SLC5A7: variants seen among roughly 807,000 people sequenced by gnomAD.
The protein encoded by SLC5A7 is high affinity choline transporter 1.
A neutral mutation model predicts 55.4 loss-of-function variants in SLC5A7; 19 were observed. The ratio of observed to expected loss-of-function variants is 0.34; its 90% CI spans 0.24 to 0.50. The LOEUF (loss-of-function observed/expected upper bound fraction) is 0.50. Ranked by LOEUF, SLC5A7 falls within the 20% of genes least tolerant of loss-of-function variation. The pLI, the probability that SLC5A7 is intolerant of heterozygous loss-of-function variation, is 0.98. For synonymous variants in SLC5A7, 265 were observed against 263.7 expected (o/e 1.00, Z -0.05); for missense variants, 506 against 705.3 (o/e 0.72, Z 3.20).
In SLC5A7 at chr2:108,010,699, T is replaced by G; in HGVS notation, c.1581T>G (p.Asp527Glu). Residue 527 changes from aspartate to glutamate, a missense_variant, in exon 9 of 9, where the codon GAT (aspartate) becomes GAG (glutamate). Physicochemically the swap from Asp to Glu is conservative, Grantham distance 45. Coordinates refer to ENST00000264047, the MANE Select transcript of SLC5A7 (RefSeq NM_021815.5). ...VVARHSEENM[D>E]KTILVKNENI... ...CAAGACACAGTGAAGAAAACATGGATAAGACAATTCTTGTCAAAAATGAAA... is the reference window on the plus strand; with the variant it reads ...CAAGACACAGTGAAGAAAACATGGAGAAGACAATTCTTGTCAAAAATGAAA... 6.2e-7 allele frequency: 1 copy of G among 1,613,852 alleles called. No individual in the cohort carries two copies. The highest frequency in any genetic ancestry group is 1.1e-5 in the South Asian group (1 of 91,084).
intron 3 of SLC5A7, 133 bp downstream of exon 3, chr2:107,992,352 A>T (rs938278804): frequency 4.1e-6 from 2 of 485,666 alleles, no homozygotes; most frequent in Non-Finnish European, 7.4e-6. Flanking sequence ...ATCTTTAAGG[A>T]GTCATTACCA....
chr2:107,992,188 A>C lies in SLC5A7; in HGVS notation c.261A>C (p.Ala87=). Reference sequence around the variant, plus strand: ...GTTATGGCCTAGCTTGGGCTCAGGCACCAATTGGATATTCTCTTAGTCTGA... The same window carrying C: ...GTTATGGCCTAGCTTGGGCTCAGGCCCCAATTGGATATTCTCTTAGTCTGA... ...VPGYGLAWAQ[A]PIGYSLSLIL... The change falls in exon 3 of 9, where the codon GCA becomes GCC. Residue 87 remains alanine (A), a synonymous_variant. Coordinates refer to ENST00000264047, the MANE Select transcript of SLC5A7 (RefSeq NM_021815.5). The C allele has an allele frequency of 6.2e-7, 1 of 1,613,600 alleles. No individual in the cohort carries two copies. The highest frequency in any genetic ancestry group is 8.5e-7 in the Non-Finnish European group (1 of 1,179,544).
intron 2 of SLC5A7, among the ~76,000 whole-genome samples, chr2:107,990,604 G>C (rs1317772937): frequency 5.3e-5 from 8 of 152,164 alleles, no homozygotes; most frequent in Non-Finnish European, 1.2e-4. Flanking sequence ...TTAACACTGA[G>C]GGTAAAAGCT....
At chr2:108,003,650 C>T (rs1197377233) in intron 6 of SLC5A7, among the ~76,000 whole-genome samples, 2 of 152,262 alleles carry the variant, frequency 1.3e-5, no homozygotes, top group South Asian at 2.1e-4. Context: ...AACCTTCCCA[C>T]TGTACCCATG....
At chr2:107,993,344 A>C (rs913101055) in intron 4 of SLC5A7, among the ~76,000 whole-genome samples, 1 of 152,200 alleles carries the variant, frequency 6.6e-6, no homozygotes, top group African/African-American at 2.4e-5. Context: ...TCCATACTTG[A>C]ATTGCCTCAT....
intron 6 of SLC5A7, among the ~76,000 whole-genome samples, chr2:108,004,275 G>T (rs1412731198): frequency 6.6e-6 from 1 of 152,188 alleles, no homozygotes; most frequent in African/African-American, 2.4e-5. Flanking sequence ...CATGCAAGAT[G>T]TTAATGATAT....
At chr2:107,996,668 C>A (rs969264204) in intron 4 of SLC5A7, among the ~76,000 whole-genome samples, 2 of 152,150 alleles carry the variant, frequency 1.3e-5, no homozygotes, top group African/African-American at 4.8e-5. Flanking sequence ...TATGAACTGT[C>A]AGTCCAAGAA....
chr2:108,000,770 T>G (rs1207735043), intron 5 of SLC5A7, among the ~76,000 whole-genome samples: 1 of 151,966 alleles, frequency 6.6e-6, no homozygotes, highest in Non-Finnish European at 1.5e-5. Flanking sequence ...GATTTTTGTA[T>G]TTTTGGTAGA....
intron 2 of SLC5A7, among the ~76,000 whole-genome samples, chr2:107,991,387 G>A (rs1282883589): frequency 1.3e-5 from 2 of 152,106 alleles, no homozygotes; most frequent in Non-Finnish European, 2.9e-5. Flanking sequence ...GGTAGTCTAG[G>A]CCTTAAGGTA....
At chr2:107,990,059 C>T (rs1044784561) in intron 2 of SLC5A7, among the ~76,000 whole-genome samples, 1 of 152,032 alleles carries the variant, frequency 6.6e-6, no homozygotes, top group Non-Finnish European at 1.5e-5. Context: ...ACTACCTAAC[C>T]TTGTCAGATT....
intron 7 of SLC5A7, among the ~76,000 whole-genome samples, chr2:108,006,435 G>T (rs1187593233): frequency 7.0e-6 from 1 of 143,742 alleles, no homozygotes; most frequent in Admixed American, 7.2e-5. Flanking sequence ...GGTCAGGCTG[G>T]TCTCAAACTC....
chr2:108,007,376 A>T (rs1678164938), intron 7 of SLC5A7, among the ~76,000 whole-genome samples: 1 of 151,840 alleles, frequency 6.6e-6, no homozygotes, highest in African/African-American at 2.4e-5. Flanking sequence ...ACACTTCAAA[A>T]ATGTAAAGAT....
chr2:108,002,203 G>T (rs1044645509), intron 6 of SLC5A7, among the ~76,000 whole-genome samples, 163 bp downstream of exon 6: 2 of 152,112 alleles, frequency 1.3e-5, no homozygotes, highest in African/African-American at 4.8e-5. Flanking sequence ...CCGGACTATC[G>T]TGGCTGGCAG....
At chr2:107,992,352 A>G (rs938278804) in intron 3 of SLC5A7, 133 bp downstream of exon 3, 1 of 485,784 alleles carries the variant, frequency 2.1e-6, no homozygotes. Context: ...ATCTTTAAGG[A>G]GTCATTACCA....
chr2:107,998,232 A>G (rs1173958442), intron 5 of SLC5A7, among the ~76,000 whole-genome samples: 6 of 152,186 alleles, frequency 3.9e-5, no homozygotes, highest in Non-Finnish European at 8.8e-5. Context: ...TGCTTTCCTT[A>G]ATGCCTAGAT....
intron 1 of SLC5A7, 73 bp from the exon 2 acceptor site, chr2:107,988,032 C>A: frequency 2.1e-6 from 2 of 932,486 alleles, no homozygotes; most frequent in Non-Finnish European, 3.2e-6. Flanking sequence ...CATGAGCCAG[C>A]TGGTTTATTC....
intron 8 of SLC5A7, among the ~76,000 whole-genome samples, chr2:108,009,346 T>C (rs571695776): frequency 2.0e-4 from 31 of 152,282 alleles, no homozygotes; most frequent in African/African-American, 6.0e-4. Flanking sequence ...GTTTTTAATT[T>C]TACTTTAAGT....
At position 108,012,760 on chromosome 2, in the gene SLC5A7, C is replaced by T. The variant is rs1462945674; in HGVS notation, c.*1899C>T. On this transcript the variant is annotated 3_prime_UTR_variant, in exon 9 of 9. Transcript: ENST00000264047. ...TTTTGGAACCAGTAAGTATGGGAGT[C>T]CACGATTCTCAGGTATTGATTGAAA... 6.6e-6 allele frequency: 1 copy of T among 151,996 alleles called. No homozygotes were observed. Among genetic ancestry groups the T allele is most frequent in the Non-Finnish European group, 1.5e-5 (1 of 68,006 alleles). 9.4% of individuals were successfully genotyped at this position (151,996 alleles called of 1,614,324 possible). A position where few individuals can be genotyped will look rare whatever the true frequency, so the allele number is the denominator to read the frequency against.
chr2:108,006,059 G>A lies in SLC5A7; in HGVS notation c.752G>A (p.Gly251Glu). ...LDSFLLLMLG[G>E]IPWQAYFQRV... ...GTGTTTCCCGCACAGATGCTGGGTG[G>A]AATCCCATGGCAAGCATACTTTCAG... Residue 251 changes from glycine to glutamate, a missense_variant, in exon 7 of 9, where the codon GGA becomes GAA. By Grantham distance (98) the Gly-to-Glu change is moderately conservative. This residue lies in a region of SLC5A7 where 309 missense variants were observed against 478.6 expected (regional missense o/e 0.65). Transcript: ENST00000264047. The A allele has an allele frequency of 6.2e-7, 1 of 1,614,000 alleles. No homozygotes were observed. The highest frequency in any genetic ancestry group is 2.2e-5 in the East Asian group (1 of 44,868).
Sources: allele counts gnomAD v4.1 joint callset (sites outside exome capture counted in the v4.1 genomes callset), GRCh38; gene constraint gnomAD v4.1.1; regional missense constraint gnomAD v4.1.1; transcripts MANE v1.5; gene names NCBI Gene and HGNC (gene_info 2026-07-23, HGNC 2026-07-21).